L2HGDH: variants seen among roughly 807,000 people sequenced by gnomAD.
L2HGDH encodes L-2-hydroxyglutarate dehydrogenase, mitochondrial.
A neutral mutation model predicts 51.5 loss-of-function variants in L2HGDH; 34 were observed. The observed-to-expected ratio is 0.66, with a 90% CI of 0.50 to 0.88. The LOEUF (loss-of-function observed/expected upper bound fraction) is 0.88. Ranked by LOEUF, L2HGDH falls within the 40% of genes least tolerant of loss-of-function variation. The pLI, the probability that L2HGDH is intolerant of heterozygous loss-of-function variation, is 0.00. For missense variants in L2HGDH, 558 were observed against 571.9 expected (o/e 0.98, Z 0.25); for synonymous variants, 198 against 197.9 (o/e 1.00, Z -0.01).
chr14:50,249,882 C>CTTTTTTTTTTTTTT (rs747924080), intron 9 of L2HGDH, among the ~76,000 whole-genome samples: 3 of 68,956 alleles, frequency 4.4e-5, no homozygotes, highest in Admixed American at 2.2e-4. Context: ...GCTTACACTC[C>CTTTTTTTTTTTTTT]TTTTTTTTTT....
Position 50,312,069 on chromosome 14 carries a change from C to G in L2HGDH, c.82G>C (p.Gly28Arg). 1.2e-6 allele frequency: 2 copies of G among 1,600,144 alleles called. No individual in the cohort carries two copies. The highest frequency in any genetic ancestry group is 1.7e-6 in the Non-Finnish European group (2 of 1,174,748). Residue 28 changes from glycine (G) to arginine (R), a missense_variant, in exon 1 of 10, where the codon GGG becomes CGG. Gly to Arg is a moderately radical substitution (Grantham distance 125). Transcript: ENST00000267436. The stretch of plus-strand genomic sequence containing the variant: ...GGTCTTGGCCTCCCAGACGCGAACC[C>G]GCACGCCCCAGGGGAGCCACCGGCG... ...LFAGGSPGAC[G>R]FASGRPRPLC...
intron 5 of L2HGDH, among the ~76,000 whole-genome samples, chr14:50,280,610 G>T (rs772458881): frequency 6.6e-6 from 1 of 152,072 alleles, no homozygotes; most frequent in Admixed American, 6.6e-5. Flanking sequence ...TAGTTATACC[G>T]GTAAGCTGTA....
Position 50,245,825 on chromosome 14 carries a change from A to T in L2HGDH, c.*1233T>A. The T allele has an allele frequency of 7.1e-6, 7 of 985,436 alleles. No individual in the cohort carries two copies. The highest frequency in any genetic ancestry group is 8.4e-6 in the Non-Finnish European group (7 of 829,930). 61.0% of individuals were successfully genotyped at this position (985,436 alleles called of 1,614,324 possible). A position where few individuals can be genotyped will look rare whatever the true frequency, so the allele number is the denominator to read the frequency against. ...GGTTGGTAAGGACAGGTCATTAACA[A>T]AGTCAGGGATTCAGGGCTGAGCATG... On this transcript the variant is annotated 3_prime_UTR_variant, in exon 10 of 10. Transcript: ENST00000267436.
At chr14:50,247,529 T>C (rs1039756590) in intron 9 of L2HGDH, among the ~76,000 whole-genome samples, 2 of 152,238 alleles carry the variant, frequency 1.3e-5, no homozygotes, top group Admixed American at 1.3e-4. Context: ...ATGTCTGCTC[T>C]TTCCAAAGGT....
At chr14:50,300,082 G>A (rs2030314463) in intron 3 of L2HGDH, 1 of 152,056 alleles carries the variant, frequency 6.6e-6, no homozygotes, top group South Asian at 2.1e-4. Context: ...AGGCAGGGGT[G>A]GTGTGGAAAG....
intron 4 of L2HGDH, among the ~76,000 whole-genome samples, chr14:50,285,377 C>T (rs534614810): frequency 1.3e-5 from 2 of 152,290 alleles, no homozygotes; most frequent in South Asian, 2.1e-4. Flanking sequence ...GTTTGGCAAA[C>T]TTCATCATTT....
chr14:50,255,661 G>A (rs1370583534), intron 9 of L2HGDH, among the ~76,000 whole-genome samples: 1 of 152,012 alleles, frequency 6.6e-6, no homozygotes, highest in Non-Finnish European at 1.5e-5. Flanking sequence ...TCTGTGTCTT[G>A]CACATAGTAG....
chr14:50,291,482 A>G lies in L2HGDH; in HGVS notation c.540+2633T>C, dbSNP rs556768301. 3.7e-4 allele frequency among the ~76,000 whole-genome samples: 57 copies of G among 152,272 alleles called. No individual in the cohort carries two copies. In the East Asian group the frequency reaches 0.011, roughly 29 times the overall value. On this transcript the variant is annotated intron_variant, in intron 4 of 9. Coordinates refer to ENST00000267436, the MANE Select transcript of L2HGDH (RefSeq NM_024884.3). Reference sequence around the variant, plus strand: ...CAAGACCTAGTGTATCCCACAAGCAAAATAGTTTGATTATCCTGACTGGGT... The same window carrying G: ...CAAGACCTAGTGTATCCCACAAGCAGAATAGTTTGATTATCCTGACTGGGT...
chr14:50,250,908 C>A (rs1390970499), intron 9 of L2HGDH, among the ~76,000 whole-genome samples: 1 of 152,186 alleles, frequency 6.6e-6, no homozygotes, highest in Admixed American at 6.5e-5. Context: ...CAGGCACAAA[C>A]AAGCTCAGAC....
At chr14:50,261,148 A>G (rs1317380125) in intron 9 of L2HGDH, among the ~76,000 whole-genome samples, 1 of 151,602 alleles carries the variant, frequency 6.6e-6, no homozygotes, top group Non-Finnish European at 1.5e-5. Flanking sequence ...TGAACTGGAC[A>G]CTCCTCCACA....
At chr14:50,302,264 C>G in intron 2 of L2HGDH, 96 bp from the exon 3 acceptor site, 1 of 1,297,920 alleles carries the variant, frequency 7.7e-7, no homozygotes. Flanking sequence ...TATTAGAGAC[C>G]ACATCATGTA....
At chr14:50,254,132 C>T (rs144881957) in intron 9 of L2HGDH, among the ~76,000 whole-genome samples, 23 of 151,906 alleles carry the variant, frequency 1.5e-4, no homozygotes, top group East Asian at 3.9e-4. Flanking sequence ...TTTGATAGCA[C>T]GACAGGGAGA....
At chr14:50,296,302 G>C (rs1252626482) in intron 3 of L2HGDH, among the ~76,000 whole-genome samples, 8 of 146,714 alleles carry the variant, frequency 5.5e-5, no homozygotes, top group Non-Finnish European at 1.5e-5. Flanking sequence ...GAGCTCAGGA[G>C]GTCAAGGCTA....
intron 7 of L2HGDH, 130 bp downstream of exon 7, chr14:50,269,033 C>T (rs556546912): frequency 9.0e-5 from 60 of 668,556 alleles, no homozygotes; most frequent in African/African-American, 2.5e-4. Flanking sequence ...CAAGAGAAAC[C>T]GATGAAATGC....
Position 50,246,817 on chromosome 14 carries a change from G to A in L2HGDH, c.*241C>T, listed in dbSNP as rs559196708. On this transcript the variant is annotated 3_prime_UTR_variant, in exon 10 of 10. Transcript: ENST00000267436. ...GCTCTCAGCTCACCTCCGTCTGCTC[G>A]GTTCAATTGATTCTCCTGCCTCAGC... The A allele has an allele frequency of 1.1e-4, 58 of 511,314 alleles. 1 individual carries two copies. In the South Asian group the frequency reaches 1.2e-3, roughly 10 times the overall value. The allele number at this position is 511,314 out of a possible 1,614,324, so 31.7% of individuals were successfully genotyped here. A position where few individuals can be genotyped will look rare whatever the true frequency, so the allele number is the denominator to read the frequency against.
At chr14:50,295,901 G>A (rs1410656056) in intron 3 of L2HGDH, among the ~76,000 whole-genome samples, 1 of 151,508 alleles carries the variant, frequency 6.6e-6, no homozygotes, top group African/African-American at 2.4e-5. Flanking sequence ...ACCATGCCCA[G>A]CTAATTTTTG....
chr14:50,280,854 G>A (rs142849018), intron 5 of L2HGDH, among the ~76,000 whole-genome samples: 37 of 152,014 alleles, frequency 2.4e-4, no homozygotes, highest in Admixed American at 1.3e-3. Context: ...TCACTGTGTC[G>A]GCCTGGCTGC....
intron 4 of L2HGDH, chr14:50,293,430 CAA>C: frequency 2.2e-6 from 1 of 445,356 alleles, no homozygotes; most frequent in Non-Finnish European, 4.0e-6. Flanking sequence ...CTGGGCTAGG[CAA>C]AGATTTCTTT....
At chr14:50,271,631 A>C (rs1889692043) in intron 6 of L2HGDH, among the ~76,000 whole-genome samples, 2 of 152,176 alleles carry the variant, frequency 1.3e-5, no homozygotes, top group South Asian at 4.1e-4. Flanking sequence ...ACTTGAGCCC[A>C]GGAGTTCAAG....
Sources: allele counts gnomAD v4.1 joint callset (sites outside exome capture counted in the v4.1 genomes callset), GRCh38; gene constraint gnomAD v4.1.1; transcripts MANE v1.5; gene names NCBI Gene and HGNC (gene_info 2026-07-23, HGNC 2026-07-21).